IL1RAPL2: variants seen among roughly 807,000 people sequenced by gnomAD.
IL1RAPL2 encodes interleukin 1 receptor accessory protein like 2, also known as X-linked interleukin-1 receptor accessory protein-like 2.
Under a neutral mutation model 44.1 loss-of-function variants are expected in IL1RAPL2, and 3 were observed. The observed-to-expected ratio is 0.07, with a 90% CI of 0.03 to 0.18. IL1RAPL2 has a LOEUF of 0.18. Ranked by LOEUF, IL1RAPL2 falls within the 10% of genes least tolerant of loss-of-function variation. The pLI, the probability that IL1RAPL2 is intolerant of heterozygous loss-of-function variation, is 1.00. For synonymous variants in IL1RAPL2, 181 were observed against 178.8 expected (o/e 1.01, Z -0.10); for missense variants, 391 against 496.4 (o/e 0.79, Z 2.02).
chrX:104,823,000 T>A (rs1365625276), intron 2 of IL1RAPL2, among the ~76,000 whole-genome samples: 1 of 111,911 alleles, frequency 8.9e-6, no homozygotes, highest in Admixed American at 9.5e-5. Flanking sequence ...TTCCTAGGTA[T>A]TTTATTCTCT....
chrX:105,711,556 C>T (rs2038211286), intron 6 of IL1RAPL2, among the ~76,000 whole-genome samples: 1 of 111,628 alleles, frequency 9.0e-6, no homozygotes, highest in Admixed American at 9.5e-5. Flanking sequence ...ACATTCTGCT[C>T]TTGGTCCCTC....
At chrX:105,520,937 T>C (rs1467856136) in intron 6 of IL1RAPL2, among the ~76,000 whole-genome samples, 59 of 78,453 alleles carry the variant, frequency 7.5e-4, no homozygotes, top group African/African-American at 2.4e-3. Flanking sequence ...TTTTTTTTTT[T>C]TTTTTTTTTT....
At chrX:105,213,442 G>T (rs2033824574) in intron 3 of IL1RAPL2, among the ~76,000 whole-genome samples, 1 of 109,631 alleles carries the variant, frequency 9.1e-6, no homozygotes, top group South Asian at 3.9e-4. Flanking sequence ...AGAATAAAAA[G>T]GAATGAACAA....
At chrX:104,599,637 T>C (rs1391528805) in intron 1 of IL1RAPL2, among the ~76,000 whole-genome samples, 1 of 91,930 alleles carries the variant, frequency 1.1e-5, no homozygotes, top group Admixed American at 1.2e-4. Context: ...AAAGGAAACT[T>C]TTGATGGATT....
intron 5 of IL1RAPL2, among the ~76,000 whole-genome samples, chrX:105,378,039 T>G (rs760732953): frequency 8.9e-6 from 1 of 111,814 alleles, no homozygotes; most frequent in African/African-American, 3.2e-5. Flanking sequence ...GGAATAACAG[T>G]CTCTCCAAAG....
chrX:105,199,483 T>C (rs1176403247), intron 3 of IL1RAPL2, among the ~76,000 whole-genome samples: 4 of 110,806 alleles, frequency 3.6e-5, no homozygotes, highest in Non-Finnish European at 5.7e-5. Flanking sequence ...CTCATTGCTA[T>C]TGGGGTGTTG....
At chrX:105,338,007 C>A (rs994752131) in intron 5 of IL1RAPL2, among the ~76,000 whole-genome samples, 7 of 112,184 alleles carry the variant, frequency 6.2e-5, no homozygotes, top group African/African-American at 2.3e-4. Flanking sequence ...TTTCAACAAA[C>A]TCATTTGATA....
At chrX:105,503,010 C>T (rs774298979) in intron 6 of IL1RAPL2, among the ~76,000 whole-genome samples, 1 of 109,672 alleles carries the variant, frequency 9.1e-6, no homozygotes, top group African/African-American at 3.3e-5. Context: ...CTAATGGTTT[C>T]GTTTCATTAA....
At chrX:104,831,583 C>T (rs1179020235) in intron 2 of IL1RAPL2, among the ~76,000 whole-genome samples, 1 of 111,515 alleles carries the variant, frequency 9.0e-6, no homozygotes, top group Non-Finnish European at 1.9e-5. Context: ...ATTATATTGC[C>T]TCTTAGTGTA....
At chrX:104,995,442 G>A (rs1198135047) in intron 2 of IL1RAPL2, among the ~76,000 whole-genome samples, 2 of 111,420 alleles carry the variant, frequency 1.8e-5, no homozygotes, top group African/African-American at 6.5e-5. Context: ...TCTCTTACAT[G>A]GCATAAAAGT....
At chrX:105,686,007 A>G (rs1462612978) in intron 6 of IL1RAPL2, among the ~76,000 whole-genome samples, 1 of 111,640 alleles carries the variant, frequency 9.0e-6, no homozygotes, top group Non-Finnish European at 1.9e-5. Context: ...AAATGCTGAG[A>G]GATTTTGTCA....
intron 6 of IL1RAPL2, among the ~76,000 whole-genome samples, chrX:105,685,427 C>T (rs1201252541): frequency 2.7e-5 from 3 of 110,634 alleles, no homozygotes; most frequent in African/African-American, 9.9e-5. Context: ...TTTCAATAGC[C>T]GATTCAATTA....
At chrX:105,585,194 T>C (rs746958289) in intron 6 of IL1RAPL2, among the ~76,000 whole-genome samples, 41 of 110,620 alleles carry the variant, frequency 3.7e-4, no homozygotes, top group Non-Finnish European at 5.7e-5. Flanking sequence ...AATTCTATAA[T>C]TTGGATTTTA....
intron 2 of IL1RAPL2, among the ~76,000 whole-genome samples, chrX:104,787,178 A>G (rs1932803713): frequency 9.0e-6 from 1 of 111,373 alleles, no homozygotes; most frequent in Non-Finnish European, 1.9e-5. Flanking sequence ...ACTTTCTAGT[A>G]TGGAGATAGA....
chrX:105,490,146 A>C (rs2036305864), intron 6 of IL1RAPL2, among the ~76,000 whole-genome samples: 1 of 111,460 alleles, frequency 9.0e-6, no homozygotes, highest in Admixed American at 9.6e-5. Flanking sequence ...TCTTCTTGGA[A>C]GTTTTTTAAA....
intron 1 of IL1RAPL2, among the ~76,000 whole-genome samples, chrX:104,594,037 T>C (rs957263522): frequency 1.2e-4 from 14 of 112,383 alleles, no homozygotes; most frequent in African/African-American, 4.2e-4. Flanking sequence ...TATGCCTGCT[T>C]TCTTGCCTGC....
At chrX:104,943,377 C>A (rs921732172) in intron 2 of IL1RAPL2, among the ~76,000 whole-genome samples, 8 of 111,805 alleles carry the variant, frequency 7.2e-5, no homozygotes, top group African/African-American at 2.6e-4. Context: ...ATTTGGATGT[C>A]TAATAGATAT....
chrX:104,814,583 A>C (rs1457269147), intron 2 of IL1RAPL2, among the ~76,000 whole-genome samples: 4 of 112,060 alleles, frequency 3.6e-5, no homozygotes, highest in African/African-American at 9.7e-5. Context: ...ACATAGAGGA[A>C]GACCTTTAGA....
intron 2 of IL1RAPL2, among the ~76,000 whole-genome samples, chrX:104,889,804 C>CT (rs141537028): frequency 1.5e-4 from 17 of 110,318 alleles, no homozygotes; most frequent in East Asian, 5.8e-4. Context: ...CCCAAATAGA[C>CT]TTTTTTTTAT....
Sources: allele counts gnomAD v4.1 joint callset (sites outside exome capture counted in the v4.1 genomes callset), GRCh38; gene constraint gnomAD v4.1.1; transcripts MANE v1.5; gene names NCBI Gene and HGNC (gene_info 2026-07-23, HGNC 2026-07-21).